The following ST7 variants were observed in gnomAD, a reference collection of about 807,000 sequenced individuals.
ST7 encodes the protein suppression of tumorigenicity 7, also known as suppressor of tumorigenicity 7 protein.
ST7 carries 28 observed loss-of-function variants against 78.7 expected under a neutral mutation model. That is an observed-to-expected ratio of 0.36 (90% CI 0.26 to 0.49). The LOEUF (loss-of-function observed/expected upper bound fraction) is 0.49, where lower values mean the gene tolerates loss of function less well. ST7 is among the 20% of genes least tolerant of loss of function. ST7 has a pLI of 0.99. For synonymous variants in ST7, 247 were observed against 249.6 expected (o/e 0.99, Z 0.10); for missense variants, 418 against 696.0 (o/e 0.60, Z 4.49).
chr7:117,166,746 G>A (rs1344633601), intron 9 of ST7, among the ~76,000 whole-genome samples: 9 of 151,994 alleles, frequency 5.9e-5, no homozygotes, highest in East Asian at 1.9e-4. Flanking sequence ...AAAATTAGCC[G>A]GGCATGGTGG....
chr7:116,983,025 A>G (rs766668234), intron 1 of ST7, among the ~76,000 whole-genome samples: 2 of 152,090 alleles, frequency 1.3e-5, no homozygotes, highest in African/African-American at 2.4e-5. Flanking sequence ...GAGCCTCCCA[A>G]GTAGCTGGGA....
rs79806443 is a variant in ST7 at position 117,032,776 on chromosome 7, A to C, written c.152-66986A>C. ...GTTTTAGGCAGCTTATAAAGCAGTAATCCTCCAACAATCTCTAGTTAATTA... is the reference window on the plus strand; with the variant it reads ...GTTTTAGGCAGCTTATAAAGCAGTACTCCTCCAACAATCTCTAGTTAATTA... On this transcript the variant is annotated intron_variant, in intron 1 of 15. Coordinates refer to ENST00000323984, the MANE Select transcript of ST7 (RefSeq NM_001369598.1). 9.8e-3 allele frequency among the ~76,000 whole-genome samples: 1,488 copies of C among 152,318 alleles called. 30 individuals carry two copies. The highest frequency in any genetic ancestry group is 0.034 in the African/African-American group (1,407 of 41,564).
At chr7:117,136,259 C>T in intron 8 of ST7, 24 bp downstream of exon 8, 3 of 1,613,354 alleles carry the variant, frequency 1.9e-6, no homozygotes, top group Non-Finnish European at 2.5e-6. Context: ...CAGGTTGATG[C>T]ATTGGGGGAT....
At chr7:117,045,279 C>T (rs1797436776) in intron 1 of ST7, among the ~76,000 whole-genome samples, 1 of 152,072 alleles carries the variant, frequency 6.6e-6, no homozygotes, top group African/African-American at 2.4e-5. Context: ...TTTCCATCAC[C>T]CTCAGAATTA....
intron 2 of ST7, among the ~76,000 whole-genome samples, chr7:117,108,209 T>C (rs1802134032): frequency 6.6e-6 from 1 of 152,224 alleles, no homozygotes; most frequent in Non-Finnish European, 1.5e-5. Context: ...CTTCTAGAAC[T>C]TTTATGGTAT....
intron 3 of ST7, among the ~76,000 whole-genome samples, chr7:117,125,033 C>G (rs915743006): frequency 3.9e-5 from 6 of 152,098 alleles, no homozygotes; most frequent in African/African-American, 7.2e-5. Context: ...TCGGGCTGCT[C>G]TCTAATAGTC....
At chr7:117,198,925 A>C (rs1810556378) in intron 12 of ST7, 1 of 152,446 alleles carries the variant, frequency 6.6e-6, no homozygotes, top group Admixed American at 6.5e-5. Flanking sequence ...CTACATTAAC[A>C]GTCCCTAATA....
chr7:117,192,699 C>T (rs1028608076), intron 12 of ST7, among the ~76,000 whole-genome samples: 3 of 152,000 alleles, frequency 2.0e-5, no homozygotes, highest in Admixed American at 6.6e-5. Context: ...AAAATCAGTA[C>T]AGTACTTGTT....
At chr7:117,104,583 A>G (rs1028568112) in intron 2 of ST7, among the ~76,000 whole-genome samples, 1 of 152,252 alleles carries the variant, frequency 6.6e-6, no homozygotes, top group African/African-American at 2.4e-5. Flanking sequence ...CTAGAAATTG[A>G]AATAGCATAT....
chr7:117,210,083 A>AGATG, intron 13 of ST7, 146 bp downstream of exon 13: 1 of 934,966 alleles, frequency 1.1e-6, no homozygotes, highest in Non-Finnish European at 1.5e-6. Flanking sequence ...TTAGTGACTT[A>AGATG]GGTTCTCCCA....
chr7:117,140,749 A>G (rs1805217384), intron 9 of ST7, among the ~76,000 whole-genome samples: 1 of 152,272 alleles, frequency 6.6e-6, no homozygotes, highest in South Asian at 2.1e-4. Context: ...ATACCAATAC[A>G]TGTGCTCCTT....
intron 1 of ST7, among the ~76,000 whole-genome samples, chr7:117,057,634 A>T (rs1000975757): frequency 1.3e-5 from 2 of 152,186 alleles, no homozygotes; most frequent in Non-Finnish European, 2.9e-5. Context: ...TAACATTATT[A>T]GATATTAAGC....
At chr7:116,973,286 C>T (rs1793527996) in intron 1 of ST7, among the ~76,000 whole-genome samples, 1 of 152,078 alleles carries the variant, frequency 6.6e-6, no homozygotes, top group African/African-American at 2.4e-5. Context: ...GAGACAAGCT[C>T]TTGTGCTATC....
At chr7:117,213,543 C>T (rs1792453721) in intron 13 of ST7, among the ~76,000 whole-genome samples, 1 of 151,536 alleles carries the variant, frequency 6.6e-6, no homozygotes, top group African/African-American at 2.4e-5. Flanking sequence ...AGTTTTCCAC[C>T]AATCAAGCTG....
rs200412574 is a variant in ST7 at position 117,209,927 on chromosome 7, G to A, written c.1395G>A (p.Thr465=). 1.4e-4 allele frequency: 229 copies of A among 1,605,626 alleles called. No homozygotes were observed. The highest frequency in any genetic ancestry group is 1.8e-4 in the Non-Finnish European group (210 of 1,178,234). Residue 465 remains threonine (T), a synonymous_variant, in exon 13 of 16, where the codon ACG becomes ACA. Coordinates refer to ENST00000323984, the MANE Select transcript of ST7 (RefSeq NM_001369598.1). Reference sequence around the variant, plus strand: ...GGGCTTTGAATCTTTTGCATTGTACGTGGGAAGGCAGTAAGTAATTTTCTT... The same window carrying A: ...GGGCTTTGAATCTTTTGCATTGTACATGGGAAGGCAGTAAGTAATTTTCTT... ...VEGALNLLHC[T]WEGTFRMIPY...
chr7:117,118,056 A>G (rs894404345), intron 2 of ST7: 2 of 152,526 alleles, frequency 1.3e-5, no homozygotes, highest in African/African-American at 4.8e-5. Flanking sequence ...GTCTCTGCCC[A>G]GAGAAAATAC....
chr7:116,972,923 A>C, intron 1 of ST7: 1 of 1,308,260 alleles, frequency 7.6e-7, no homozygotes, highest in Non-Finnish European at 1.1e-6. Flanking sequence ...GTGCCCACTC[A>C]GCTACTGCTC....
chr7:117,141,677 T>G (rs1805311467), intron 9 of ST7, among the ~76,000 whole-genome samples: 1 of 151,902 alleles, frequency 6.6e-6, no homozygotes, highest in African/African-American at 2.4e-5. Context: ...TCTTTTTTTC[T>G]TTTTCTTTTT....
chr7:117,111,412 A>T (rs966093531), intron 2 of ST7, among the ~76,000 whole-genome samples: 2 of 152,312 alleles, frequency 1.3e-5, no homozygotes, highest in South Asian at 2.1e-4. Context: ...TTATCAAATT[A>T]AATTTGATTT....
Sources: allele counts gnomAD v4.1 joint callset (sites outside exome capture counted in the v4.1 genomes callset), GRCh38; gene constraint gnomAD v4.1.1; transcripts MANE v1.5; gene names NCBI Gene and HGNC (gene_info 2026-07-23, HGNC 2026-07-21).